STAC: variants seen among roughly 807,000 people sequenced by gnomAD.
STAC encodes SH3 and cysteine-rich domain-containing protein.
In STAC, 43 loss-of-function variants were observed where a neutral mutation model predicts 48.8. That is an observed-to-expected ratio of 0.88 (90% CI 0.69 to 1.14). The LOEUF (loss-of-function observed/expected upper bound fraction) is 1.14, where lower values mean the gene tolerates loss of function less well. Among genes scored for constraint, STAC ranks in the 50% most tolerant of loss-of-function variants. The pLI is 0.00. For synonymous variants in STAC, 193 were observed against 179.5 expected (o/e 1.07, Z -0.60); for missense variants, 497 against 504.0 (o/e 0.99, Z 0.13).
At chr3:36,497,276 T>C (rs2125709274) in intron 6 of STAC, among the ~76,000 whole-genome samples, 1 of 152,294 alleles carries the variant, frequency 6.6e-6, no homozygotes, top group Middle Eastern at 3.4e-3. Context: ...AACAGAAGAT[T>C]CCCTTTCCAG....
intron 5 of STAC, among the ~76,000 whole-genome samples, chr3:36,490,916 T>C (rs1243968854): frequency 6.6e-6 from 1 of 152,234 alleles, no homozygotes; most frequent in Non-Finnish European, 1.5e-5. Flanking sequence ...ACCGTCCACT[T>C]ATACTGGCAC....
intron 1 of STAC, 110 bp downstream of exon 1, chr3:36,380,864 A>G: frequency 1.5e-6 from 1 of 672,996 alleles, no homozygotes. Context: ...GAGACTTGCT[A>G]GTTAGCCCAG....
At chr3:36,426,714 C>T (rs906875028) in intron 1 of STAC, among the ~76,000 whole-genome samples, 5 of 151,830 alleles carry the variant, frequency 3.3e-5, no homozygotes, top group African/African-American at 9.7e-5. Context: ...AATTCTATAA[C>T]GTATATGAAA....
intron 10 of STAC, among the ~76,000 whole-genome samples, chr3:36,539,717 C>T (rs1414148105): frequency 6.6e-6 from 1 of 152,092 alleles, no homozygotes; most frequent in Non-Finnish European, 1.5e-5. Flanking sequence ...GATATTTTCT[C>T]CTTATAACAC....
chr3:36,540,731 A>T (rs180859127), intron 10 of STAC, among the ~76,000 whole-genome samples: 4 of 152,230 alleles, frequency 2.6e-5, no homozygotes, highest in African/African-American at 7.2e-5. Flanking sequence ...AATCCCCTAT[A>T]GAAAAAGCAA....
chr3:36,432,249 G>C (rs1210887953), intron 1 of STAC, among the ~76,000 whole-genome samples: 4 of 152,188 alleles, frequency 2.6e-5, no homozygotes, highest in Non-Finnish European at 5.9e-5. Flanking sequence ...CGGGGAATTT[G>C]GGACTCAGAG....
At chr3:36,497,583 C>G (rs1198751610) in intron 6 of STAC, among the ~76,000 whole-genome samples, 1 of 152,086 alleles carries the variant, frequency 6.6e-6, no homozygotes, top group South Asian at 2.1e-4. Context: ...GATGAAAGAC[C>G]CTTTTGAAAC....
chr3:36,528,981 A>G lies in STAC; in HGVS notation c.1106A>G (p.Asn369Ser). 1 of 1,603,068 alleles carries G rather than the reference A, an allele frequency of 6.2e-7. No individual in the cohort carries two copies. The highest frequency in any genetic ancestry group is 1.3e-5 in the African/African-American group (1 of 74,688). ...CAGGGGCAGATAACACTGAAAGAGA[A>G]TCAGGTGAGTAAACCACACAAACAC... ...KEQGQITLKE[N>S]QICVSSEEEQ... The change falls in exon 10 of 11, where the codon AAT (asparagine) becomes AGT (serine). Residue 369 changes from asparagine to serine, a missense_variant. By Grantham distance (46) the Asn-to-Ser change is conservative. Transcript: ENST00000273183.
intron 8 of STAC, 128 bp from the exon 9 acceptor site, chr3:36,528,568 G>T: frequency 1.3e-6 from 1 of 782,248 alleles, no homozygotes. Flanking sequence ...ACTGGTAAAA[G>T]TTATATTTAC....
At chr3:36,432,214 C>T (rs1363537101) in intron 1 of STAC, among the ~76,000 whole-genome samples, 4 of 152,124 alleles carry the variant, frequency 2.6e-5, no homozygotes, top group Non-Finnish European at 5.9e-5. Context: ...CTGCAGGGAA[C>T]CTATTATTAC....
chr3:36,416,870 T>TA (rs1312045616), intron 1 of STAC, among the ~76,000 whole-genome samples: 2 of 152,088 alleles, frequency 1.3e-5, no homozygotes, highest in African/African-American at 2.4e-5. Flanking sequence ...GAGGAGTGAG[T>TA]AATGCACCAA....
intron 1 of STAC, among the ~76,000 whole-genome samples, chr3:36,381,353 C>CA (rs1196728330): frequency 2.0e-5 from 3 of 152,224 alleles, no homozygotes; most frequent in Admixed American, 1.3e-4. Flanking sequence ...AACACGTATA[C>CA]AAAAAACCAA....
chr3:36,406,170 T>C (rs1283738411), intron 1 of STAC, among the ~76,000 whole-genome samples: 1 of 152,170 alleles, frequency 6.6e-6, no homozygotes, highest in Non-Finnish European at 1.5e-5. Flanking sequence ...CCCAGCAGCC[T>C]GGGTTAAATG....
chr3:36,393,004 C>T (rs1367217205), intron 1 of STAC, among the ~76,000 whole-genome samples: 1 of 152,172 alleles, frequency 6.6e-6, no homozygotes. Flanking sequence ...ATCTTGTCTT[C>T]CACCCTCTTC....
chr3:36,526,147 T>C (rs1698928665), intron 8 of STAC, among the ~76,000 whole-genome samples: 1 of 152,112 alleles, frequency 6.6e-6, no homozygotes, highest in Non-Finnish European at 1.5e-5. Flanking sequence ...AAAACAGCTA[T>C]AGAAGGGGGA....
intron 1 of STAC, among the ~76,000 whole-genome samples, chr3:36,434,470 C>T (rs537238160): frequency 6.6e-6 from 1 of 152,240 alleles, no homozygotes; most frequent in South Asian, 2.1e-4. Context: ...TCAAAGGTTC[C>T]CTGATGACTT....
rs779160392 is a variant in STAC, at chr3:36,482,974, T to C, written c.389-18T>C. The stretch of plus-strand genomic sequence containing the variant: ...TGGCAGGTTGTATCCTAACCAAAGT[T>C]TGCCATGTACCTGACAGGAACAAAT... On this transcript the variant is annotated intron_variant, in intron 2 of 10. Coordinates refer to ENST00000273183, the MANE Select transcript of STAC (RefSeq NM_003149.3). The C allele has an allele frequency of 6.2e-7, 1 of 1,600,092 alleles. No homozygotes were observed. The highest frequency in any genetic ancestry group is 2.2e-5 in the East Asian group (1 of 44,734).
intron 1 of STAC, among the ~76,000 whole-genome samples, chr3:36,402,080 C>T (rs1700008490): frequency 6.6e-6 from 1 of 152,144 alleles, no homozygotes; most frequent in Non-Finnish European, 1.5e-5. Flanking sequence ...CTCTAAGTCC[C>T]TGTTTGTTTG....
intron 8 of STAC, among the ~76,000 whole-genome samples, chr3:36,525,751 T>A (rs774273836): frequency 6.6e-6 from 1 of 152,158 alleles, no homozygotes; most frequent in Admixed American, 6.5e-5. Flanking sequence ...TGGGAAAGAG[T>A]GATTTTCAGC....
Sources: allele counts gnomAD v4.1 joint callset (sites outside exome capture counted in the v4.1 genomes callset), GRCh38; gene constraint gnomAD v4.1.1; transcripts MANE v1.5; gene names NCBI Gene and HGNC (gene_info 2026-07-23, HGNC 2026-07-21).